KCNJ6: variants seen among roughly 807,000 people sequenced by gnomAD.
KCNJ6 encodes the protein G protein-activated inward rectifier potassium channel 2.
KCNJ6 carries 9 observed loss-of-function variants against 34.2 expected under a neutral mutation model. The observed-to-expected ratio is 0.26, with a 90% CI of 0.16 to 0.46. The LOEUF (loss-of-function observed/expected upper bound fraction) is 0.46. Ranked by LOEUF, KCNJ6 falls within the 20% of genes least tolerant of loss-of-function variation. The pLI is 1.00. For missense variants in KCNJ6, 236 were observed against 531.3 expected (o/e 0.44, Z 5.46); for synonymous variants, 196 against 207.1 (o/e 0.95, Z 0.46).
chr21:37,688,886 AG>A (rs2054627165), intron 3 of KCNJ6, among the ~76,000 whole-genome samples: 1 of 152,198 alleles, frequency 6.6e-6, no homozygotes, highest in African/African-American at 2.4e-5. Flanking sequence ...ACATCCAAAG[AG>A]GGGATGATGG....
chr21:37,863,318 C>T (rs2055603969), intron 1 of KCNJ6, among the ~76,000 whole-genome samples: 1 of 152,156 alleles, frequency 6.6e-6, no homozygotes, highest in African/African-American at 2.4e-5. Flanking sequence ...CACAGTAGCC[C>T]CAATGGCTGG....
intron 1 of KCNJ6, among the ~76,000 whole-genome samples, chr21:37,886,114 G>A (rs2055734328): frequency 6.6e-6 from 1 of 152,060 alleles, no homozygotes; most frequent in Non-Finnish European, 1.5e-5. Flanking sequence ...CACTTCTCAA[G>A]ACTCTTTTTG....
At chr21:37,709,314 C>A (rs889811986) in intron 3 of KCNJ6, among the ~76,000 whole-genome samples, 3 of 151,964 alleles carry the variant, frequency 2.0e-5, no homozygotes, top group Non-Finnish European at 4.4e-5. Context: ...GAGTTCCAGA[C>A]CAGCCTGACC....
At chr21:37,820,568 C>G (rs1043244000) in intron 2 of KCNJ6, among the ~76,000 whole-genome samples, 2 of 152,154 alleles carry the variant, frequency 1.3e-5, no homozygotes, top group African/African-American at 4.8e-5. Flanking sequence ...TCACTTCTGA[C>G]CTATGTTCTG....
chr21:37,629,442 T>G (rs986223027), intron 3 of KCNJ6, among the ~76,000 whole-genome samples: 1 of 152,148 alleles, frequency 6.6e-6, no homozygotes, highest in Non-Finnish European at 1.5e-5. Context: ...ATCTCCGGTA[T>G]TTCAGAATGT....
rs11276074 is a variant in KCNJ6, at chr21:37,835,804, C to CACCCTAACCCTA, written c.25+4842_25+4853dup. Among the ~76,000 whole-genome samples, 265 of 151,490 alleles carry CACCCTAACCCTA rather than the reference C, an allele frequency of 1.7e-3. 1 individual carries two copies. The highest frequency in any genetic ancestry group is 4.1e-3 in the Admixed American group (62 of 15,212). On this transcript the variant is annotated intron_variant, in intron 2 of 3. Coordinates refer to ENST00000609713, the MANE Select transcript of KCNJ6 (RefSeq NM_002240.5). ...GGTTACCAGCGAGCAAGCTGAGAGT[C>CACCCTAACCCTA]ACCCTAACCCTAACCCTAACCCTAA...
rs113788929 is a variant in KCNJ6, at chr21:37,856,614, GGA to G, written c.-27-15907_-27-15906del. ...ATCCTGATGACTATAACTCTTAAAT[GGA>G]GAGAGAGAGAGAGAGAACACAAATA... On this transcript the variant is annotated intron_variant, in intron 1 of 3. Coordinates refer to ENST00000609713, the MANE Select transcript of KCNJ6 (RefSeq NM_002240.5). Among the ~76,000 whole-genome samples, 775 of 150,294 alleles carry G rather than the reference GGA, an allele frequency of 5.2e-3. 9 individuals are homozygous for G. Among genetic ancestry groups the G allele is most frequent in the African/African-American group, 0.017 (697 of 41,156 alleles).
chr21:37,659,550 G>T (rs1257975853), intron 3 of KCNJ6, among the ~76,000 whole-genome samples: 1 of 152,224 alleles, frequency 6.6e-6, no homozygotes, highest in East Asian at 1.9e-4. Flanking sequence ...AGAGGGAAGG[G>T]CAGAGGAAAG....
intron 2 of KCNJ6, among the ~76,000 whole-genome samples, chr21:37,801,677 C>T (rs980197411): frequency 6.6e-6 from 1 of 152,140 alleles, no homozygotes; most frequent in Non-Finnish European, 1.5e-5. Context: ...GGAGGCTGAG[C>T]CTATGTGTGT....
intron 2 of KCNJ6, among the ~76,000 whole-genome samples, chr21:37,734,588 C>A (rs537180217): frequency 1.3e-5 from 2 of 152,166 alleles, no homozygotes; most frequent in African/African-American, 4.8e-5. Context: ...ACAACATTCC[C>A]GCTATTTAAC....
At chr21:37,844,561 T>G (rs1001162777) in intron 1 of KCNJ6, among the ~76,000 whole-genome samples, 1 of 151,986 alleles carries the variant, frequency 6.6e-6, no homozygotes, top group African/African-American at 2.4e-5. Flanking sequence ...AGTCCTTGCT[T>G]TGAGCCAGGG....
At chr21:37,634,189 G>A (rs1212931139) in intron 3 of KCNJ6, among the ~76,000 whole-genome samples, 2 of 152,308 alleles carry the variant, frequency 1.3e-5, no homozygotes, top group East Asian at 3.9e-4. Flanking sequence ...CTGATGGAAG[G>A]TGTTTGGGTC....
chr21:37,849,469 T>C (rs931771152), intron 1 of KCNJ6, among the ~76,000 whole-genome samples: 6 of 152,230 alleles, frequency 3.9e-5, no homozygotes, highest in Non-Finnish European at 8.8e-5. Context: ...TATTAGTTCC[T>C]TTCTTTCCCC....
At chr21:37,775,244 A>C (rs1479709864) in intron 2 of KCNJ6, among the ~76,000 whole-genome samples, 5 of 151,916 alleles carry the variant, frequency 3.3e-5, no homozygotes, top group African/African-American at 7.3e-5. Flanking sequence ...TAGATTCTGG[A>C]TATTAGCCCT....
chr21:37,658,554 T>C (rs1415045693), intron 3 of KCNJ6, among the ~76,000 whole-genome samples: 3 of 152,236 alleles, frequency 2.0e-5, no homozygotes, highest in African/African-American at 7.2e-5. Context: ...AGATTTTTTC[T>C]TTCCTTTTTT....
At chr21:37,871,684 A>G (rs1483930345) in intron 1 of KCNJ6, among the ~76,000 whole-genome samples, 1 of 152,256 alleles carries the variant, frequency 6.6e-6, no homozygotes, top group African/African-American at 2.4e-5. Context: ...ACAGATGAGT[A>G]AACCGGCAGA....
At chr21:37,825,568 C>G (rs185695194) in intron 2 of KCNJ6, among the ~76,000 whole-genome samples, 173 of 152,228 alleles carry the variant, frequency 1.1e-3, no homozygotes, top group Non-Finnish European at 1.6e-3. Context: ...AAGTGTTCAC[C>G]TTTAGTATGT....
intron 1 of KCNJ6, among the ~76,000 whole-genome samples, chr21:37,907,267 T>C (rs1379565986): frequency 6.6e-6 from 1 of 152,222 alleles, no homozygotes; most frequent in East Asian, 1.9e-4. Flanking sequence ...ATATGATTAC[T>C]GCATTCCAGA....
intron 2 of KCNJ6, among the ~76,000 whole-genome samples, chr21:37,796,868 A>G (rs1307897360): frequency 7.5e-6 from 1 of 132,686 alleles, no homozygotes; most frequent in African/African-American, 2.9e-5. Context: ...ACCTCGGCTC[A>G]CTGCAAGCTC....
Sources: allele counts gnomAD v4.1 joint callset (sites outside exome capture counted in the v4.1 genomes callset), GRCh38; gene constraint gnomAD v4.1.1; transcripts MANE v1.5; gene names NCBI Gene and HGNC (gene_info 2026-07-23, HGNC 2026-07-21).